PLEKHA7: variants seen among roughly 807,000 people sequenced by gnomAD.
PLEKHA7 encodes pleckstrin homology domain containing A7.
In PLEKHA7, 104 loss-of-function variants were observed where a neutral mutation model predicts 170.0. That is an observed-to-expected ratio of 0.61 (90% confidence interval 0.52 to 0.72). The LOEUF (loss-of-function observed/expected upper bound fraction) is 0.72. PLEKHA7 is among the 30% of genes least tolerant of loss of function. The pLI is 0.00. For missense variants in PLEKHA7, 1,615 were observed against 1,671.7 expected (o/e 0.97, Z 0.59); for synonymous variants, 648 against 660.8 (o/e 0.98, Z 0.30).
chr11:16,948,471 A>G (rs1014987354), intron 3 of PLEKHA7, among the ~76,000 whole-genome samples: 16 of 152,060 alleles, frequency 1.1e-4, no homozygotes, highest in Admixed American at 7.2e-4. Context: ...AATGTCCTCC[A>G]TTGCCTCACC....
In PLEKHA7 at chr11:16,826,306, G is replaced by A; in HGVS notation, c.1157C>T (p.Ala386Val). ...ATTCTTCTCTGCCCGTTGGGGCTGT[G>A]CCTGCTGGCCTCTTGGGCCAGTGGG... ...DLPTGPRGQQAQPQRAEKNGM... is the reference protein window; with the variant it reads ...DLPTGPRGQQVQPQRAEKNGM... Residue 386 changes from alanine (A) to valine (V), a missense_variant, in exon 10 of 27, where the codon GCA becomes GTA. Physicochemically the swap from Ala to Val is moderately conservative, Grantham distance 64. Transcript: ENST00000531066. 6.2e-7 allele frequency: 1 copy of A among 1,614,240 alleles called. No homozygotes were observed. The highest frequency in any genetic ancestry group is 8.5e-7 in the Non-Finnish European group (1 of 1,180,044).
chr11:16,855,977 G>A, intron 4 of PLEKHA7, 63 bp from the exon 5 acceptor site: 1 of 1,352,160 alleles, frequency 7.4e-7, no homozygotes, highest in South Asian at 1.2e-5. Flanking sequence ...AGTGCAGTAA[G>A]ATCAGTTCCA....
chr11:16,956,744 C>T (rs10766361), intron 3 of PLEKHA7, among the ~76,000 whole-genome samples: 49,024 of 152,072 alleles, frequency 0.32, 8,456 homozygotes, highest in Non-Finnish European at 0.39. Flanking sequence ...GACATCTCAG[C>T]CAGCTTTATT....
chr11:16,979,987 G>A (rs1175034175), intron 3 of PLEKHA7, among the ~76,000 whole-genome samples: 1 of 152,164 alleles, frequency 6.6e-6, no homozygotes, highest in Non-Finnish European at 1.5e-5. Flanking sequence ...GAAGCAAGGG[G>A]TCCTGCCACA....
chr11:16,822,536 G>A (rs987401427), intron 10 of PLEKHA7, among the ~76,000 whole-genome samples: 5 of 148,346 alleles, frequency 3.4e-5, no homozygotes, highest in Admixed American at 2.7e-4. Context: ...AGGAAAGAAG[G>A]CACCACGCCC....
At chr11:16,863,161 T>A (rs569287374) in intron 4 of PLEKHA7, among the ~76,000 whole-genome samples, 51 of 152,106 alleles carry the variant, frequency 3.4e-4, no homozygotes, top group Non-Finnish European at 3.2e-4. Flanking sequence ...AATCAGCACA[T>A]GCCATAGATG....
intron 3 of PLEKHA7, among the ~76,000 whole-genome samples, chr11:16,887,888 C>T (rs541009005): frequency 6.6e-6 from 1 of 151,910 alleles, no homozygotes; most frequent in Non-Finnish European, 1.5e-5. Context: ...CTCTGCCTGG[C>T]TGCCTAGTCT....
At chr11:16,991,605 A>G (rs10766367) in intron 3 of PLEKHA7, among the ~76,000 whole-genome samples, 60,591 of 151,956 alleles carry the variant, frequency 0.4, 12,695 homozygotes, top group East Asian at 0.57. Flanking sequence ...GGCTGGCTGC[A>G]CTTCACATGT....
intron 24 of PLEKHA7, among the ~76,000 whole-genome samples, chr11:16,785,186 T>A (rs560894067): frequency 5.3e-5 from 8 of 152,310 alleles, no homozygotes; most frequent in African/African-American, 1.9e-4. Context: ...AGCTTGTGAA[T>A]GGGCCTGGCA....
At chr11:16,844,512 T>C (rs1293526239) in intron 8 of PLEKHA7, among the ~76,000 whole-genome samples, 1 of 152,252 alleles carries the variant, frequency 6.6e-6, no homozygotes, top group Non-Finnish European at 1.5e-5. Context: ...AGGACCTAGA[T>C]GATGTGAATC....
intron 3 of PLEKHA7, among the ~76,000 whole-genome samples, chr11:16,887,376 C>A (rs888986238): frequency 8.0e-5 from 12 of 150,924 alleles, no homozygotes; most frequent in Non-Finnish European, 1.5e-4. Flanking sequence ...CCTCTCCCCA[C>A]GGTCTGCCTC....
chr11:16,941,982 A>G (rs568312697), intron 3 of PLEKHA7, among the ~76,000 whole-genome samples: 1 of 152,356 alleles, frequency 6.6e-6, no homozygotes, highest in South Asian at 2.1e-4. Flanking sequence ...CTCCTGGTAC[A>G]TGGAAGCATA....
At chr11:16,881,822 A>C (rs1372908945) in intron 3 of PLEKHA7, among the ~76,000 whole-genome samples, 1 of 152,188 alleles carries the variant, frequency 6.6e-6, no homozygotes, top group Non-Finnish European at 1.5e-5. Context: ...GGGCAGGGAA[A>C]GGTTTGAGTG....
rs150740916 is a variant in PLEKHA7, at chr11:16,989,825, G to C, written c.221+24164C>G. Among the ~76,000 whole-genome samples the C allele has an allele frequency of 2.4e-4, 37 of 152,224 alleles. No homozygotes were observed. The East Asian group carries it at 6.9e-3, about 29-fold the overall frequency. The stretch of plus-strand genomic sequence containing the variant: ...CCCCCAATGCCCACATAAGCTTTGT[G>C]GCTGTGTACTACACACAGCTCTAAT... On this transcript the variant is annotated intron_variant, in intron 3 of 26. Coordinates refer to ENST00000531066, the MANE Select transcript of PLEKHA7 (RefSeq NM_001329630.2).
chr11:16,801,942 G>A, intron 15 of PLEKHA7, 125 bp from the exon 16 acceptor site: 1 of 1,220,832 alleles, frequency 8.2e-7, no homozygotes, highest in Non-Finnish European at 1.1e-6. Flanking sequence ...CTGAGATGTG[G>A]GCCCACAGTC....
intron 3 of PLEKHA7, among the ~76,000 whole-genome samples, chr11:17,003,972 G>GAT (rs1864827895): frequency 6.6e-6 from 1 of 152,162 alleles, no homozygotes; most frequent in African/African-American, 2.4e-5. Flanking sequence ...GGCCCAGAGA[G>GAT]GCTGAAAAGC....
intron 13 of PLEKHA7, among the ~76,000 whole-genome samples, chr11:16,806,753 G>A (rs528770585): frequency 6.6e-6 from 1 of 152,220 alleles, no homozygotes; most frequent in Non-Finnish European, 1.5e-5. Flanking sequence ...GGCCACCGTG[G>A]CATCTGAGGA....
At position 16,777,549 on chromosome 11, in the gene PLEKHA7, C is replaced by T. The variant is rs1848759845; in HGVS notation, c.*1449G>A. 6.6e-6 allele frequency: 1 copy of T among 152,262 alleles called. No homozygotes were observed. The highest frequency in any genetic ancestry group is 2.4e-5 in the African/African-American group (1 of 41,556). The allele number at this position is 152,262 out of a possible 1,614,324, so 9.4% of individuals were successfully genotyped here. A position where few individuals can be genotyped will look rare whatever the true frequency, so the allele number is the denominator to read the frequency against. On this transcript the variant is annotated 3_prime_UTR_variant, in exon 27 of 27. Transcript: ENST00000531066. Reference sequence around the variant, plus strand: ...CTGAGCATAGTCAAAGAGAAATTTTCATTTAAAGTGTGGCTCCACCCAATG... The same window carrying T: ...CTGAGCATAGTCAAAGAGAAATTTTTATTTAAAGTGTGGCTCCACCCAATG...
intron 3 of PLEKHA7, among the ~76,000 whole-genome samples, chr11:16,876,272 A>G (rs1480791342): frequency 6.6e-6 from 1 of 152,262 alleles, no homozygotes; most frequent in Non-Finnish European, 1.5e-5. Context: ...CTATGGTAGT[A>G]TAGAGATGGC....
Sources: gnomAD v4.1 joint callset for allele counts (sites outside exome capture counted in the v4.1 genomes callset) on GRCh38, gnomAD v4.1.1 for gene constraint, MANE v1.5 for transcripts, NCBI Gene and HGNC (gene_info 2026-07-23, HGNC 2026-07-21) for gene names.